TBK1: variants seen among roughly 807,000 people sequenced by gnomAD.
TBK1 encodes TANK binding kinase 1, also known as serine/threonine-protein kinase TBK1.
A neutral mutation model predicts 99.9 loss-of-function variants in TBK1; 37 were observed. The observed-to-expected ratio is 0.37, with a 90% CI of 0.28 to 0.49. TBK1 has a LOEUF of 0.49. Among genes scored for constraint, TBK1 ranks in the 20% least tolerant of loss-of-function variants. The probability of loss-of-function intolerance (pLI) is 0.98; values close to 1 mark genes in which losing one functional copy is unlikely to be tolerated. For missense variants in TBK1, 644 were observed against 872.5 expected (o/e 0.74, Z 3.30); for synonymous variants, 258 against 279.8 (o/e 0.92, Z 0.78).
chr12:64,471,811 G>A (rs756914963), intron 5 of TBK1, among the ~76,000 whole-genome samples: 3 of 152,090 alleles, frequency 2.0e-5, no homozygotes, highest in Non-Finnish European at 4.4e-5. Flanking sequence ...GGGCACAAAT[G>A]TATCAGACCA....
intron 13 of TBK1, among the ~76,000 whole-genome samples, chr12:64,492,959 A>G (rs1176000912): frequency 6.8e-6 from 1 of 147,338 alleles, no homozygotes; most frequent in Non-Finnish European, 1.5e-5. Context: ...GCAGTGGTAC[A>G]GTCTCGGCTC....
intron 11 of TBK1, among the ~76,000 whole-genome samples, chr12:64,487,616 A>T (rs7975785): frequency 0.42 from 63,806 of 152,070 alleles, 15,983 homozygotes; most frequent in Non-Finnish European, 0.56. Context: ...TTGCTGATCC[A>T]TGAAGCTTTT....
At chr12:64,489,332 T>A (rs531478946) in intron 12 of TBK1, among the ~76,000 whole-genome samples, 75 of 152,348 alleles carry the variant, frequency 4.9e-4, no homozygotes, top group African/African-American at 1.8e-3. Flanking sequence ...CAGAATGATA[T>A]TTTTAACTGC....
intron 1 of TBK1, among the ~76,000 whole-genome samples, chr12:64,453,987 G>A (rs2040457236): frequency 6.6e-6 from 1 of 152,142 alleles, no homozygotes; most frequent in Non-Finnish European, 1.5e-5. Context: ...CAGGTTCTGT[G>A]TAGATTGTGT....
intron 15 of TBK1, 44 bp downstream of exon 15, chr12:64,495,819 G>A (rs1393858398): frequency 7.1e-7 from 1 of 1,407,684 alleles, no homozygotes; most frequent in Non-Finnish European, 9.6e-7. Context: ...ATCCCTCTTA[G>A]TAATTAGTTA....
At chr12:64,486,459 CAG>C (rs1356139476) in intron 11 of TBK1, among the ~76,000 whole-genome samples, 1 of 150,842 alleles carries the variant, frequency 6.6e-6, no homozygotes, top group East Asian at 1.9e-4. Context: ...CTTTTTGAGA[CAG>C]GGTCTCGCTG....
At chr12:64,497,556 CT>C in intron 18 of TBK1, 91 bp from the exon 19 acceptor site, 1 of 825,418 alleles carries the variant, frequency 1.2e-6, no homozygotes. Context: ...TTATTAAAAG[CT>C]GTAACACTTG....
intron 13 of TBK1, among the ~76,000 whole-genome samples, chr12:64,490,929 A>T (rs2040863110): frequency 6.6e-6 from 1 of 152,182 alleles, no homozygotes; most frequent in Non-Finnish European, 1.5e-5. Flanking sequence ...TCTCAAAAAA[A>T]AAAAAGATTT....
intron 6 of TBK1, among the ~76,000 whole-genome samples, chr12:64,479,558 C>T (rs956942830): frequency 6.6e-6 from 1 of 152,144 alleles, no homozygotes; most frequent in African/African-American, 2.4e-5. Context: ...TGATACTGTG[C>T]TCTATATAGT....
chr12:64,488,635 T>C, intron 12 of TBK1, 47 bp downstream of exon 12: 1 of 1,251,296 alleles, frequency 8.0e-7, no homozygotes, highest in East Asian at 2.5e-5. Flanking sequence ...TATTAAATGT[T>C]CCATTTCTAT....
intron 2 of TBK1, among the ~76,000 whole-genome samples, chr12:64,459,661 T>TC (rs36113712): frequency 6.6e-6 from 1 of 152,130 alleles, no homozygotes. Flanking sequence ...ACTCCTGCTT[T>TC]CCCCACTCCC....
intron 20 of TBK1, 71 bp downstream of exon 20, chr12:64,498,110 T>C: frequency 7.8e-7 from 1 of 1,278,870 alleles, no homozygotes; most frequent in Non-Finnish European, 1.1e-6. Context: ...ACTTATATCT[T>C]CCTGTATCAA....
At chr12:64,473,861 C>T (rs1217288892) in intron 5 of TBK1, among the ~76,000 whole-genome samples, 2 of 152,010 alleles carry the variant, frequency 1.3e-5, no homozygotes, top group South Asian at 2.1e-4. Context: ...CACTCGAACC[C>T]GGGAAGCAGA....
At chr12:64,464,669 G>A (rs1427233222) in intron 4 of TBK1, among the ~76,000 whole-genome samples, 1 of 152,016 alleles carries the variant, frequency 6.6e-6, no homozygotes. Context: ...TAAGTGAAAA[G>A]ACAGCCCATA....
chr12:64,500,183 C>T (rs1322651766), intron 20 of TBK1, among the ~76,000 whole-genome samples: 1 of 152,058 alleles, frequency 6.6e-6, no homozygotes, highest in East Asian at 1.9e-4. Context: ...GTAATGGAAG[C>T]CAGATTTTGT....
chr12:64,466,808 T>G (rs2040609761), intron 4 of TBK1, 93 bp from the exon 5 acceptor site: 1 of 1,031,016 alleles, frequency 9.7e-7, no homozygotes. Context: ...AAAATTTATA[T>G]TAAGTTTGGG....
At chr12:64,480,254 C>A in intron 7 of TBK1, 132 bp downstream of exon 7, 1 of 561,268 alleles carries the variant, frequency 1.8e-6, no homozygotes, top group Non-Finnish European at 3.1e-6. Flanking sequence ...AAAGCATGTG[C>A]TTTGATAAAT....
chr12:64,465,606 A>G (rs1315979918), intron 4 of TBK1, among the ~76,000 whole-genome samples: 2 of 152,226 alleles, frequency 1.3e-5, no homozygotes, highest in Non-Finnish European at 2.9e-5. Flanking sequence ...TTACAAAAAG[A>G]TATGAAGTAG....
At chr12:64,473,108 G>A (rs1426689368) in intron 5 of TBK1, among the ~76,000 whole-genome samples, 1 of 152,184 alleles carries the variant, frequency 6.6e-6, no homozygotes, top group East Asian at 1.9e-4. Flanking sequence ...GATATGTGGT[G>A]GTATTGTTTA....
Sources: gnomAD v4.1 joint callset for allele counts (sites outside exome capture counted in the v4.1 genomes callset) on GRCh38, gnomAD v4.1.1 for gene constraint, MANE v1.5 for transcripts, NCBI Gene and HGNC (gene_info 2026-07-23, HGNC 2026-07-21) for gene names.